Variants in RBM44 observed in about 807,000 individuals in gnomAD.
RBM44 encodes RNA binding motif protein 44.
RBM44 carries 66 observed loss-of-function variants against 105.1 expected under a neutral mutation model. That is an observed-to-expected ratio of 0.63 (90% CI 0.52 to 0.77). RBM44 has a LOEUF of 0.77. Among genes scored for constraint, RBM44 ranks in the 30% least tolerant of loss-of-function variants. The probability of loss-of-function intolerance (pLI) is 0.00; values close to 1 mark genes in which losing one functional copy is unlikely to be tolerated. For missense variants in RBM44, 1,122 were observed against 1,207.8 expected (o/e 0.93, Z 1.05); for synonymous variants, 365 against 417.6 (o/e 0.87, Z 1.54).
rs1216969109 is a variant in RBM44, at chr2:237,829,390, A to C, written c.2774A>C (p.Glu925Ala). ...NGNRISSNNL[E>A]KSTNKQIHSE... is the part of the protein sequence containing the mutation. The stretch of plus-strand genomic sequence containing the variant: ...AATAGAATTAGTTCGAATAATTTAG[A>C]GAAAAGCACCAACAAACAAATCCAC... Residue 925 changes from glutamate to alanine, a missense_variant, in exon 13 of 16, where the codon GAG becomes GCG. Glu to Ala is a moderately radical substitution (Grantham distance 107). Transcript: ENST00000316997. 1 of 1,613,702 alleles carries C rather than the reference A, an allele frequency of 6.2e-7. No homozygotes were observed.
intron 15 of RBM44, among the ~76,000 whole-genome samples, chr2:237,840,081 C>T (rs1421208858): frequency 6.7e-6 from 1 of 149,606 alleles, no homozygotes; most frequent in African/African-American, 2.5e-5. Context: ...CCTAGCTACT[C>T]AGGAGGCTGA....
intron 12 of RBM44, 24 bp downstream of exon 12, chr2:237,827,527 T>G: frequency 7.8e-7 from 1 of 1,281,656 alleles, no homozygotes; most frequent in Admixed American, 2.1e-5. Flanking sequence ...CTTTAATCAA[T>G]GTGCATTATT....
intron 13 of RBM44, among the ~76,000 whole-genome samples, chr2:237,832,054 T>G (rs570859605): frequency 5.9e-5 from 9 of 152,332 alleles, no homozygotes; most frequent in Admixed American, 2.0e-4. Context: ...ATGACTGCTT[T>G]CTTCCCCCAT....
Position 237,820,266 on chromosome 2 carries a change from C to T in RBM44, c.1828C>T (p.Leu610Phe), listed in dbSNP as rs1559914606. The part of the protein sequence containing the change: ...MQRAIKAELH[L>F]LNVHYQMCRR... ...GAGAGCCATAAAAGCAGAGCTGCAC[C>T]TTTTAAATGTTCACTATCAGATGTG... Residue 610 changes from leucine to phenylalanine, a missense_variant, in exon 5 of 16, where the codon CTT (leucine) becomes TTT (phenylalanine). Transcript: ENST00000316997. 1 of 1,600,942 alleles carries T rather than the reference C, an allele frequency of 6.2e-7. No homozygotes were observed. Among genetic ancestry groups the T allele is most frequent in the Middle Eastern group, 1.7e-4 (1 of 6,036 alleles).
intron 1 of RBM44, among the ~76,000 whole-genome samples, chr2:237,804,501 A>C (rs1463707823): frequency 2.0e-5 from 3 of 152,148 alleles, no homozygotes; most frequent in African/African-American, 7.2e-5. Context: ...AGATGGTATT[A>C]ATTACATTGT....
intron 1 of RBM44, 43 bp from the exon 2 acceptor site, chr2:237,813,549 C>T: frequency 9.4e-7 from 1 of 1,063,504 alleles, no homozygotes; most frequent in Non-Finnish European, 1.4e-6. Context: ...TCAATTTATG[C>T]TTTTTAAGTA....
At chr2:237,816,307 G>A (rs2061714316) in intron 2 of RBM44, among the ~76,000 whole-genome samples, 1 of 151,878 alleles carries the variant, frequency 6.6e-6, no homozygotes, top group African/African-American at 2.4e-5. Context: ...TAAGCACTTG[G>A]GGACAGCATC....
intron 4 of RBM44, 36 bp from the exon 5 acceptor site, chr2:237,820,139 T>C (rs2150980023): frequency 7.2e-6 from 9 of 1,242,628 alleles, no homozygotes; most frequent in African/African-American, 1.6e-5. Flanking sequence ...GAAAAATGTT[T>C]GGAATCTTAC....
Position 237,818,229 on chromosome 2 carries a change from C to G in RBM44, c.1310C>G (p.Thr437Ser). The change falls in exon 3 of 16, where the codon ACC becomes AGC. Residue 437 changes from threonine (T) to serine (S), a missense_variant. Physicochemically the swap from Thr to Ser is moderately conservative, Grantham distance 58. Transcript: ENST00000316997. This position sits in a 1 kb window ranked among gnomAD's most constrained non-coding sequence, Gnocchi z 4.6. ...NTSLKVAHSS[T>S]TKKTCFHNIG... ...TCCCTAAAAGTTGCTCATAGCAGTA[C>G]CACAAAGAAAACATGCTTTCACAAT... 6.2e-7 allele frequency: 1 copy of G among 1,613,050 alleles called. No individual in the cohort carries two copies. The highest frequency in any genetic ancestry group is 1.1e-5 in the South Asian group (1 of 91,050).
chr2:237,827,376 T>C (rs373853972), intron 11 of RBM44, 47 bp downstream of exon 11: 5 of 1,447,158 alleles, frequency 3.5e-6, no homozygotes, highest in Non-Finnish European at 4.7e-6. Context: ...ATTTATTAGT[T>C]GTTCATATTT....
intron 15 of RBM44, among the ~76,000 whole-genome samples, chr2:237,839,179 G>GC (rs2061986893): frequency 6.6e-6 from 1 of 152,168 alleles, no homozygotes; most frequent in Non-Finnish European, 1.5e-5. Context: ...CTACATATGT[G>GC]CCAGTTGATA....
At position 237,813,623 on chromosome 2, in the gene RBM44, C is replaced by T. The variant is rs2061681814; in HGVS notation, c.14C>T (p.Ala5Val). The T allele has an allele frequency of 6.2e-7, 1 of 1,607,232 alleles. No homozygotes were observed. Among genetic ancestry groups the T allele is most frequent in the South Asian group, 1.1e-5 (1 of 90,906 alleles). MQAT[A>V]VVETASGKGY... ...TATCTTTGAATGATGCAGGCCACTG[C>T]AGTGGTGGAGACAGCATCTGGTAAA... Residue 5 changes from alanine to valine, a missense_variant, in exon 2 of 16, where the codon GCA becomes GTA. Ala to Val is a moderately conservative substitution (Grantham distance 64). This residue lies in a region of RBM44 where 918 missense variants were observed against 955.3 expected (regional missense o/e 0.96). Transcript: ENST00000316997.
At position 237,841,882 on chromosome 2, in the gene RBM44, C is replaced by T. The variant is rs1337544129; in HGVS notation, c.*66C>T. 2 of 152,088 alleles carry T rather than the reference C, an allele frequency of 1.3e-5. No homozygotes were observed. Among genetic ancestry groups the T allele is most frequent in the African/African-American group, 4.8e-5 (2 of 41,434 alleles). The allele number at this position is 152,088 out of a possible 1,614,324, so 9.4% of individuals were successfully genotyped here. ...GTTTCCTCCTTCAGAGAATGTTCTA[C>T]AGCACTTAGGAAAAAGTAGTAATAA... On this transcript the variant is annotated 3_prime_UTR_variant, in exon 16 of 16. Transcript: ENST00000316997. This position sits in a 1 kb window ranked among gnomAD's most constrained non-coding sequence, Gnocchi z 4.5.
chr2:237,816,925 T>A, intron 2 of RBM44, 68 bp from the exon 3 acceptor site: 2 of 973,240 alleles, frequency 2.1e-6, no homozygotes, highest in Non-Finnish European at 3.0e-6. Context: ...CCAGATCATG[T>A]CTAAGGTTTT....
At chr2:237,802,335 T>C (rs1159635230) in intron 1 of RBM44, among the ~76,000 whole-genome samples, 1 of 152,200 alleles carries the variant, frequency 6.6e-6, no homozygotes, top group African/African-American at 2.4e-5. Flanking sequence ...TCAAACCCTG[T>C]TGTGAACTGT....
intron 5 of RBM44, 41 bp from the exon 6 acceptor site, chr2:237,821,030 G>A (rs2061781647): frequency 7.0e-7 from 1 of 1,428,020 alleles, no homozygotes. Context: ...GGATGACTTA[G>A]GCCTAAATAA....
intron 12 of RBM44, among the ~76,000 whole-genome samples, chr2:237,828,957 T>A (rs1447408575): frequency 6.6e-6 from 1 of 152,184 alleles, no homozygotes; most frequent in Non-Finnish European, 1.5e-5. Context: ...CGCAAATATT[T>A]TACATTAGAT....
chr2:237,810,667 T>C (rs1393848553), intron 1 of RBM44, among the ~76,000 whole-genome samples: 1 of 152,140 alleles, frequency 6.6e-6, no homozygotes, highest in African/African-American at 2.4e-5. Flanking sequence ...CGAGTCTGCC[T>C]CCCTGAAGAA....
At chr2:237,819,283 A>T (rs1451258568) in intron 4 of RBM44, among the ~76,000 whole-genome samples, 1 of 152,080 alleles carries the variant, frequency 6.6e-6, no homozygotes. Flanking sequence ...CACCTTTGGA[A>T]TATGTCATTT....
Sources: allele counts gnomAD v4.1 joint callset (sites outside exome capture counted in the v4.1 genomes callset), GRCh38; gene constraint gnomAD v4.1.1; regional missense constraint gnomAD v4.1.1; non-coding constraint Gnocchi (gnomAD v3.1); transcripts MANE v1.5; gene names NCBI Gene and HGNC (gene_info 2026-07-23, HGNC 2026-07-21).